The following LRP1B variants were observed in gnomAD, a reference collection of about 807,000 sequenced individuals.
The protein encoded by LRP1B is LDL receptor related protein 1B.
Under a neutral mutation model 556.6 loss-of-function variants are expected in LRP1B, and 217 were observed. The observed-to-expected ratio is 0.39, with a 90% CI of 0.35 to 0.44. The LOEUF (loss-of-function observed/expected upper bound fraction) is 0.44, where lower values mean the gene tolerates loss of function less well. LRP1B is among the 20% of genes least tolerant of loss of function. LRP1B has a pLI of 1.00. For missense variants in LRP1B, 5,053 were observed against 5,620.8 expected, an observed-to-expected ratio of 0.90 and a Z score of 3.23; for synonymous variants, 2,047 against 1,865.8, an observed-to-expected ratio of 1.10 and a Z score of -2.50.
chr2:140,353,547 T>G (rs973805392), intron 75 of LRP1B, among the ~76,000 whole-genome samples: 1 of 152,034 alleles, frequency 6.6e-6, no homozygotes, highest in Non-Finnish European at 1.5e-5. Context: ...TGGGCTATTC[T>G]TTCATCCCGT....
intron 2 of LRP1B, among the ~76,000 whole-genome samples, chr2:141,779,627 C>T (rs6707410): frequency 0.049 from 7,500 of 151,770 alleles, 627 homozygotes; most frequent in African/African-American, 0.17. Flanking sequence ...TCTTTTAAAA[C>T]TTTTAAAATG....
At chr2:141,648,165 A>G (rs1436291558) in intron 2 of LRP1B, among the ~76,000 whole-genome samples, 2 of 152,128 alleles carry the variant, frequency 1.3e-5, no homozygotes, top group Non-Finnish European at 2.9e-5. Context: ...GTGAAGAAAC[A>G]TTCATATTGG....
At chr2:141,419,721 T>G (rs1010330560) in intron 3 of LRP1B, among the ~76,000 whole-genome samples, 4 of 152,098 alleles carry the variant, frequency 2.6e-5, no homozygotes, top group African/African-American at 9.7e-5. Flanking sequence ...CTAGATTTAT[T>G]TTTTCTATTG....
At chr2:140,696,556 G>A (rs1273199635) in intron 41 of LRP1B, among the ~76,000 whole-genome samples, 1 of 152,092 alleles carries the variant, frequency 6.6e-6, no homozygotes, top group Non-Finnish European at 1.5e-5. Context: ...TCAATCAGAG[G>A]TTGCCAACCC....
At chr2:141,892,052 G>T (rs907495561) in intron 1 of LRP1B, among the ~76,000 whole-genome samples, 1 of 151,932 alleles carries the variant, frequency 6.6e-6, no homozygotes, top group Admixed American at 6.6e-5. Flanking sequence ...AAAGGTATGT[G>T]TTAAGCATAA....
At chr2:140,324,449 TAAATGATCAA>T (rs1322441636) in intron 80 of LRP1B, among the ~76,000 whole-genome samples, 5 of 152,052 alleles carry the variant, frequency 3.3e-5, no homozygotes, top group African/African-American at 1.2e-4. Flanking sequence ...CTGGATCAAA[TAAATGATCAA>T]ATTACATGCC....
chr2:140,456,688 G>C (rs1259087837), intron 61 of LRP1B, 85 bp from the exon 62 acceptor site: 5 of 1,199,508 alleles, frequency 4.2e-6, no homozygotes, highest in Non-Finnish European at 5.8e-6. Flanking sequence ...GGACTTTTAA[G>C]CTGCATAACT....
chr2:141,168,621 G>C (rs1212748893), intron 7 of LRP1B, among the ~76,000 whole-genome samples: 2 of 151,970 alleles, frequency 1.3e-5, no homozygotes, highest in Non-Finnish European at 2.9e-5. Context: ...AGGATGTTTT[G>C]CTCCAAAATA....
At chr2:140,669,236 A>G (rs1685396558) in intron 41 of LRP1B, among the ~76,000 whole-genome samples, 1 of 152,036 alleles carries the variant, frequency 6.6e-6, no homozygotes, top group African/African-American at 2.4e-5. Flanking sequence ...TAGGGATATA[A>G]AAAAAATAAT....
chr2:141,515,659 T>G (rs1205514566), intron 2 of LRP1B, among the ~76,000 whole-genome samples: 1 of 152,206 alleles, frequency 6.6e-6, no homozygotes, highest in African/African-American at 2.4e-5. Context: ...GGCTTTACAT[T>G]CTGAATAGTA....
chr2:140,618,354 G>A (rs1429599815), intron 41 of LRP1B, among the ~76,000 whole-genome samples: 1 of 151,958 alleles, frequency 6.6e-6, no homozygotes, highest in Non-Finnish European at 1.5e-5. Context: ...AAAACAGATG[G>A]CACAAGATGT....
intron 1 of LRP1B, among the ~76,000 whole-genome samples, chr2:141,844,001 C>T (rs973623637): frequency 3.0e-4 from 45 of 152,230 alleles, no homozygotes; most frequent in African/African-American, 1.1e-3. Flanking sequence ...TCCTTCATTG[C>T]AGACTGCCTT....
intron 2 of LRP1B, among the ~76,000 whole-genome samples, chr2:141,654,551 T>C (rs1328398732): frequency 2.0e-5 from 3 of 151,994 alleles, no homozygotes; most frequent in Non-Finnish European, 4.4e-5. Flanking sequence ...CACATGTGCT[T>C]CCCCTGCTCA....
chr2:140,351,156 A>T (rs1161822812), intron 76 of LRP1B, 118 bp from the exon 77 acceptor site: 2 of 680,308 alleles, frequency 2.9e-6, no homozygotes, highest in Non-Finnish European at 4.7e-6. Flanking sequence ...TTCCTCAAAA[A>T]TCAACCAGTT....
intron 7 of LRP1B, among the ~76,000 whole-genome samples, chr2:141,176,102 T>G (rs1170411765): frequency 6.6e-6 from 1 of 152,148 alleles, no homozygotes; most frequent in Non-Finnish European, 1.5e-5. Flanking sequence ...AATTTGTTTT[T>G]ATTTTATAGG....
chr2:141,261,254 C>T (rs989651390), intron 3 of LRP1B, among the ~76,000 whole-genome samples: 1 of 152,134 alleles, frequency 6.6e-6, no homozygotes, highest in Non-Finnish European at 1.5e-5. Flanking sequence ...TGTCTTAGTG[C>T]TAGACTACTT....
chr2:140,784,291 A>G (rs1246972986), intron 32 of LRP1B, among the ~76,000 whole-genome samples: 1 of 150,872 alleles, frequency 6.6e-6, no homozygotes, highest in Non-Finnish European at 1.5e-5. Context: ...TCTATGCCCC[A>G]TGTGAGATAT....
chr2:141,328,109 C>T (rs945947676), intron 3 of LRP1B, among the ~76,000 whole-genome samples: 8 of 152,234 alleles, frequency 5.3e-5, no homozygotes, highest in African/African-American at 1.9e-4. Context: ...ATATACATGC[C>T]TCTATATACT....
At chr2:141,964,396 G>T (rs1458716214) in intron 1 of LRP1B, among the ~76,000 whole-genome samples, 1 of 146,188 alleles carries the variant, frequency 6.8e-6, no homozygotes, top group South Asian at 2.2e-4. Flanking sequence ...CCAAAACAGA[G>T]ATATAGATCA....
Sources: gnomAD v4.1 joint callset for allele counts (sites outside exome capture counted in the v4.1 genomes callset) on GRCh38, gnomAD v4.1.1 for gene constraint, MANE v1.5 for transcripts, NCBI Gene and HGNC (gene_info 2026-07-23, HGNC 2026-07-21) for gene names.